The following PTPRD variants were observed in gnomAD, a reference collection of about 807,000 sequenced individuals.
PTPRD encodes receptor-type tyrosine-protein phosphatase delta.
Under a neutral mutation model 214.5 loss-of-function variants are expected in PTPRD, and 34 were observed. That is an observed-to-expected ratio of 0.16 (90% confidence interval 0.12 to 0.21). The LOEUF is 0.21. Ranked by LOEUF, PTPRD falls within the 10% of genes least tolerant of loss-of-function variation. The probability of loss-of-function intolerance (pLI) is 1.00; values close to 1 mark genes in which losing one functional copy is unlikely to be tolerated. For missense variants in PTPRD, 2,545 were observed against 2,398.7 expected (o/e 1.06, Z -1.27); for synonymous variants, 1,128 against 845.7 (o/e 1.33, Z -5.79).
chr9:8,905,473 T>G (rs2098701046), intron 11 of PTPRD, among the ~76,000 whole-genome samples: 1 of 152,042 alleles, frequency 6.6e-6, no homozygotes, highest in Non-Finnish European at 1.5e-5. Flanking sequence ...ACGTCGTGGC[T>G]CACATCTGTA....
chr9:9,690,855 G>T (rs1177318996), intron 7 of PTPRD, among the ~76,000 whole-genome samples: 1 of 145,914 alleles, frequency 6.9e-6, no homozygotes, highest in Non-Finnish European at 1.5e-5. Flanking sequence ...ATGCTGTTTT[G>T]GTTACTATGG....
At chr9:10,387,680 C>T (rs1418832301) in intron 2 of PTPRD, among the ~76,000 whole-genome samples, 1 of 151,458 alleles carries the variant, frequency 6.6e-6, no homozygotes, top group African/African-American at 2.4e-5. Flanking sequence ...GAACTTGGTA[C>T]ATGACAAATG....
rs138139292 is a variant in PTPRD, at chr9:8,757,757, T to C, written c.-103-23811A>G. On this transcript the variant is annotated intron_variant, in intron 11 of 45. Coordinates refer to ENST00000381196, the MANE Select transcript of PTPRD (RefSeq NM_002839.4). ...ATAGCAATGAGCTGTCATGTGGATATTGGTGAACTAGATAATAACAACTCA... is the reference window on the plus strand; with the variant it reads ...ATAGCAATGAGCTGTCATGTGGATACTGGTGAACTAGATAATAACAACTCA... Among the ~76,000 whole-genome samples the C allele has an allele frequency of 3.7e-3, 554 of 151,726 alleles. 4 individuals carry two copies. Among genetic ancestry groups the C allele is most frequent in the African/African-American group, 0.013 (533 of 41,316 alleles).
At chr9:9,889,111 TGGGATGGTTG>T (rs991001167) in intron 5 of PTPRD, among the ~76,000 whole-genome samples, 2 of 152,074 alleles carry the variant, frequency 1.3e-5, no homozygotes, top group Non-Finnish European at 2.9e-5. Flanking sequence ...TGCCAGGTGC[TGGGATGGTTG>T]GGGGTGGTGG....
intron 9 of PTPRD, among the ~76,000 whole-genome samples, chr9:9,231,807 G>A (rs2133873484): frequency 6.6e-6 from 1 of 152,104 alleles, no homozygotes; most frequent in Non-Finnish European, 1.5e-5. Flanking sequence ...AGGTATACAT[G>A]TGCCATGTTG....
chr9:8,752,068 C>T (rs1314000570), intron 11 of PTPRD, among the ~76,000 whole-genome samples: 3 of 152,144 alleles, frequency 2.0e-5, no homozygotes, highest in Non-Finnish European at 1.5e-5. Flanking sequence ...CTGGGGTCCC[C>T]TGCCACCGCT....
At chr9:9,840,479 T>C (rs1452204026) in intron 5 of PTPRD, among the ~76,000 whole-genome samples, 1 of 152,130 alleles carries the variant, frequency 6.6e-6, no homozygotes, top group Non-Finnish European at 1.5e-5. Flanking sequence ...GTGATTTGCC[T>C]AATAATGGCA....
In PTPRD at chr9:9,927,521, G is replaced by A. The variant is rs543543754; in HGVS notation, c.-368+10986C>T. On this transcript the variant is annotated intron_variant, in intron 5 of 45. Transcript: ENST00000381196. Reference sequence around the variant, plus strand: ...CTCAGTTGCTTTAACAAAAATTACTGGTCTGTCTTCTGGAAAACAATTGGT... The same window carrying A: ...CTCAGTTGCTTTAACAAAAATTACTAGTCTGTCTTCTGGAAAACAATTGGT... Among the ~76,000 whole-genome samples, 7 of 152,054 alleles carry A rather than the reference G, an allele frequency of 4.6e-5. No homozygotes were observed. In the South Asian group the frequency reaches 1.5e-3, roughly 32 times the overall value.
chr9:10,579,043 AG>A (rs1200135722), intron 2 of PTPRD, among the ~76,000 whole-genome samples: 1 of 151,978 alleles, frequency 6.6e-6, no homozygotes, highest in African/African-American at 2.4e-5. Flanking sequence ...CACATGCATT[AG>A]GTATTTATCC....
chr9:8,999,685 C>G (rs1360929065), intron 11 of PTPRD, among the ~76,000 whole-genome samples: 1 of 151,912 alleles, frequency 6.6e-6, no homozygotes, highest in Non-Finnish European at 1.5e-5. Flanking sequence ...GTTAACATGG[C>G]TGGGAATATT....
At chr9:8,550,280 C>A (rs553766837) in intron 14 of PTPRD, among the ~76,000 whole-genome samples, 1 of 152,040 alleles carries the variant, frequency 6.6e-6, no homozygotes, top group East Asian at 1.9e-4. Flanking sequence ...GTATATGGTA[C>A]CTCCCAAATT....
intron 9 of PTPRD, among the ~76,000 whole-genome samples, chr9:9,243,687 T>C (rs1291839953): frequency 2.6e-5 from 4 of 152,130 alleles, no homozygotes; most frequent in African/African-American, 9.7e-5. Flanking sequence ...AATATCATAC[T>C]GAATGGGCAA....
At chr9:8,731,478 A>T (rs1159960143) in intron 12 of PTPRD, among the ~76,000 whole-genome samples, 1 of 152,238 alleles carries the variant, frequency 6.6e-6, no homozygotes, top group Non-Finnish European at 1.5e-5. Context: ...TAAAAGCCTG[A>T]AAAATATTAT....
At chr9:8,444,591 G>C (rs1431309119) in intron 34 of PTPRD, among the ~76,000 whole-genome samples, 1 of 151,994 alleles carries the variant, frequency 6.6e-6, no homozygotes, top group Non-Finnish European at 1.5e-5. Flanking sequence ...CTCTAAAAGT[G>C]CTTTTGTTGG....
chr9:8,813,995 G>C (rs1427790620), intron 11 of PTPRD, among the ~76,000 whole-genome samples: 1 of 152,110 alleles, frequency 6.6e-6, no homozygotes, highest in Non-Finnish European at 1.5e-5. Context: ...AGTGTAATCA[G>C]GTGTATTTAT....
rs1287979283 is a variant in PTPRD, at chr9:8,341,964, C to T, written c.4676G>A (p.Arg1559Gln). Residue 1559 changes from arginine (R) to glutamine (Q), a missense_variant, in exon 40 of 46, where the codon CGG (arginine) becomes CAG (glutamine). By Grantham distance (43) the Arg-to-Gln change is conservative. Transcript: ENST00000381196. ...ATCTATGACGATGAAGCAACCAGTCCGGCCAACTCCCGCACTATGAGGAAA... is the reference window on the plus strand; with the variant it reads ...ATCTATGACGATGAAGCAACCAGTCTGGCCAACTCCCGCACTATGAGGAAA... ...MVVHCSAGVG[R>Q]TGCFIVIDAM... The T allele has an allele frequency of 1.7e-5, 28 of 1,610,232 alleles. No homozygotes were observed. The highest frequency in any genetic ancestry group is 4.0e-5 in the African/African-American group (3 of 74,676).
At chr9:10,338,420 G>C (rs545703437) in intron 3 of PTPRD, among the ~76,000 whole-genome samples, 22 of 151,792 alleles carry the variant, frequency 1.4e-4, no homozygotes, top group Non-Finnish European at 2.2e-4. Flanking sequence ...ACTGACAAAA[G>C]ACCTGTCAGT....
At chr9:8,492,821 G>A in intron 27 of PTPRD, 41 bp downstream of exon 27, 11 of 1,444,452 alleles carry the variant, frequency 7.6e-6, no homozygotes, top group Non-Finnish European at 9.7e-6. Context: ...TAAAAAGTTA[G>A]TATTACTGTT....
At chr9:10,521,430 T>C (rs979216925) in intron 2 of PTPRD, among the ~76,000 whole-genome samples, 6 of 152,186 alleles carry the variant, frequency 3.9e-5, no homozygotes, top group African/African-American at 1.4e-4. Context: ...CTGGTGAAGA[T>C]GTAGCGAACA....
Sources: gnomAD v4.1 joint callset for allele counts (sites outside exome capture counted in the v4.1 genomes callset) on GRCh38, gnomAD v4.1.1 for gene constraint, MANE v1.5 for transcripts, NCBI Gene and HGNC (gene_info 2026-07-23, HGNC 2026-07-21) for gene names.